WWOX: variants seen among roughly 807,000 people sequenced by gnomAD.
WWOX encodes WW domain-containing oxidoreductase.
WWOX carries 69 observed loss-of-function variants against 46.2 expected under a neutral mutation model. The observed-to-expected ratio is 1.49, with a 90% CI of 1.23 to 1.82. The LOEUF (loss-of-function observed/expected upper bound fraction) is 1.82, where lower values mean the gene tolerates loss of function less well. WWOX is among the 40% of genes most tolerant of loss of function. WWOX has a pLI of 0.00. For synonymous variants in WWOX, 359 were observed against 202.6 expected (o/e 1.77, Z -6.56); for missense variants, 919 against 542.6 (o/e 1.69, Z -6.89).
chr16:79,152,105 C>T (rs1309152451), intron 8 of WWOX, among the ~76,000 whole-genome samples: 3 of 152,160 alleles, frequency 2.0e-5, no homozygotes, highest in African/African-American at 7.2e-5. Flanking sequence ...GAAGTTTATC[C>T]TCTACTTTTT....
At chr16:78,950,168 T>C (rs891108177) in intron 8 of WWOX, among the ~76,000 whole-genome samples, 4 of 152,196 alleles carry the variant, frequency 2.6e-5, no homozygotes, top group Non-Finnish European at 5.9e-5. Context: ...TTTTCCCTTC[T>C]TGATAGGTTG....
rs142978197 is a variant in WWOX, at chr16:78,977,519, C to A, written c.1057-234089C>A. On this transcript the variant is annotated intron_variant, in intron 8 of 8. Transcript: ENST00000566780. ...CCCTATTAGAATCCCACCATAGACG[C>A]CCTCTCTGCATGTGTCCTTGTCTGG... Among the ~76,000 whole-genome samples, 363 of 152,274 alleles carry A rather than the reference C, an allele frequency of 2.4e-3. 1 individual carries two copies. Among genetic ancestry groups the A allele is most frequent in the Admixed American group, 3.9e-3 (59 of 15,306 alleles).
chr16:79,059,547 A>G (rs532063022), intron 8 of WWOX, among the ~76,000 whole-genome samples: 5 of 152,054 alleles, frequency 3.3e-5, no homozygotes, highest in South Asian at 2.1e-4. Flanking sequence ...CTGGAGTGCA[A>G]TGGCGCGATC....
At chr16:78,718,212 A>T (rs1158361454) in intron 8 of WWOX, among the ~76,000 whole-genome samples, 4 of 150,910 alleles carry the variant, frequency 2.7e-5, no homozygotes, top group South Asian at 4.2e-4. Context: ...CTTAATTTGC[A>T]CATTTGTAAA....
chr16:78,584,168 T>G (rs1029459253), intron 8 of WWOX, among the ~76,000 whole-genome samples: 1 of 152,228 alleles, frequency 6.6e-6, no homozygotes, highest in African/African-American at 2.4e-5. Flanking sequence ...TCTCCTTCTC[T>G]AAGACTAACA....
chr16:78,659,008 C>G (rs1343486103), intron 8 of WWOX, among the ~76,000 whole-genome samples: 1 of 150,156 alleles, frequency 6.7e-6, no homozygotes, highest in African/African-American at 2.5e-5. Flanking sequence ...AGAAGAATCC[C>G]TTGAACCTGG....
intron 8 of WWOX, among the ~76,000 whole-genome samples, chr16:78,960,153 C>T (rs2046245654): frequency 6.6e-6 from 1 of 152,086 alleles, no homozygotes; most frequent in Non-Finnish European, 1.5e-5. Context: ...TGAGGAAGAA[C>T]AGCTAATTCC....
chr16:78,452,639 C>T (rs1355888627), intron 8 of WWOX, among the ~76,000 whole-genome samples: 2 of 150,898 alleles, frequency 1.3e-5, no homozygotes, highest in Non-Finnish European at 3.0e-5. Context: ...CCACACCTGG[C>T]TAATTATTAT....
At chr16:78,712,966 C>T (rs1030261970) in intron 8 of WWOX, among the ~76,000 whole-genome samples, 9 of 151,960 alleles carry the variant, frequency 5.9e-5, no homozygotes, top group African/African-American at 1.9e-4. Context: ...CCAAGAATAG[C>T]AGTTAGAAAT....
At chr16:78,293,986 A>AC (rs1567482412) in intron 5 of WWOX, among the ~76,000 whole-genome samples, 5 of 146,866 alleles carry the variant, frequency 3.4e-5, no homozygotes, top group African/African-American at 5.0e-5. Flanking sequence ...CAGAAAAAAA[A>AC]AAAAAAAAAA....
intron 8 of WWOX, among the ~76,000 whole-genome samples, chr16:78,437,439 A>C (rs2083358580): frequency 6.6e-6 from 1 of 152,192 alleles, no homozygotes; most frequent in Non-Finnish European, 1.5e-5. Flanking sequence ...TGTTGCTGTA[A>C]ATGCATTATC....
chr16:78,485,904 C>T (rs996593574), intron 8 of WWOX, among the ~76,000 whole-genome samples: 5 of 152,160 alleles, frequency 3.3e-5, no homozygotes, highest in Non-Finnish European at 1.5e-5. Context: ...AAAGGGCAAG[C>T]CAGGAAGCTT....
At chr16:78,577,434 G>C (rs765290978) in intron 8 of WWOX, among the ~76,000 whole-genome samples, 1 of 152,100 alleles carries the variant, frequency 6.6e-6, no homozygotes, top group Admixed American at 6.5e-5. Flanking sequence ...CCCTGACCAC[G>C]AGCAAATCAT....
intron 8 of WWOX, among the ~76,000 whole-genome samples, chr16:79,192,083 G>C (rs1438486892): frequency 6.6e-6 from 1 of 152,236 alleles, no homozygotes; most frequent in Non-Finnish European, 1.5e-5. Flanking sequence ...TGGGGAATTA[G>C]TCATAGGGTA....
At chr16:78,712,625 C>G (rs2048467395) in intron 8 of WWOX, among the ~76,000 whole-genome samples, 1 of 151,864 alleles carries the variant, frequency 6.6e-6, no homozygotes, top group Admixed American at 6.6e-5. Flanking sequence ...TTTTCTGAGA[C>G]AAATAGGAAA....
intron 5 of WWOX, among the ~76,000 whole-genome samples, chr16:78,216,519 G>A (rs56246469): frequency 0.12 from 13,075 of 113,132 alleles, 745 homozygotes; most frequent in Middle Eastern, 0.16. Context: ...TCTGGGGGAA[G>A]GTCGTTCCTT....
chr16:79,169,881 A>G (rs939494784), intron 8 of WWOX, among the ~76,000 whole-genome samples: 3 of 152,096 alleles, frequency 2.0e-5, no homozygotes, highest in African/African-American at 7.2e-5. Context: ...AGCGGGCTTG[A>G]TGGGCCCAGA....
intron 8 of WWOX, among the ~76,000 whole-genome samples, chr16:78,618,993 C>G (rs1281333808): frequency 6.7e-6 from 1 of 149,698 alleles, no homozygotes; most frequent in African/African-American, 2.5e-5. Flanking sequence ...AAAGTTTCCT[C>G]AACTCTTCAT....
At chr16:79,124,654 T>C (rs1269952862) in intron 8 of WWOX, among the ~76,000 whole-genome samples, 2 of 152,196 alleles carry the variant, frequency 1.3e-5, no homozygotes, top group African/African-American at 4.8e-5. Context: ...TCAGGGAGGC[T>C]GTTGATGGCA....
Sources: gnomAD v4.1 joint callset for allele counts (sites outside exome capture counted in the v4.1 genomes callset) on GRCh38, gnomAD v4.1.1 for gene constraint, MANE v1.5 for transcripts, NCBI Gene and HGNC (gene_info 2026-07-23, HGNC 2026-07-21) for gene names.